Variants in MRGPRE observed in about 807,000 individuals in gnomAD.
MRGPRE encodes mas-related G protein-coupled receptor member E.
For synonymous variants in MRGPRE, 229 were observed against 206.7 expected (o/e 1.11, Z -0.92); for missense variants, 466 against 433.4 (o/e 1.08, Z -0.67).
In MRGPRE at chr11:3,228,101, G is replaced by A. The variant is rs372243981; in HGVS notation, c.699C>T (p.Phe233=). ...GGTTCCGGGACAGCCAGTAGATGCCGAAGGGCAGGCCGCAGAAGAGGAAGA... is the reference window on the plus strand; with the variant it reads ...GGTTCCGGGACAGCCAGTAGATGCCAAAGGGCAGGCCGCAGAAGAGGAAGA... The part of the protein sequence containing the change: ...VLLFLFCGLP[F]GIYWLSRNLL... Residue 233 remains phenylalanine (F), a synonymous_variant, in exon 2 of 2, where the codon TTC becomes TTT. Coordinates refer to ENST00000389832, the MANE Select transcript of MRGPRE (RefSeq NM_001039165.4). 79 of 1,599,888 alleles carry A rather than the reference G, an allele frequency of 4.9e-5. No homozygotes were observed. Among genetic ancestry groups the A allele is most frequent in the South Asian group, 1.2e-4 (11 of 88,622 alleles).
In MRGPRE at chr11:3,228,728, G is replaced by T; in HGVS notation, c.72C>A (p.Asn24Lys). ...CCTCGGTGAGGGACAGGATGATGAG[G>T]TTGAAGGCCACATCCTCCTGGGCGC... ...ANGAQEDVAF[N>K]LIILSLTEGL... Residue 24 changes from asparagine (N) to lysine (K), a missense_variant, in exon 2 of 2, where the codon AAC becomes AAA. Transcript: ENST00000389832. 6.2e-7 allele frequency: 1 copy of T among 1,613,838 alleles called. No homozygotes were observed. The highest frequency in any genetic ancestry group is 1.6e-4 in the Middle Eastern group (1 of 6,062).
Position 3,227,268 on chromosome 11 carries a change from C to T in MRGPRE, c.*593G>A, listed in dbSNP as rs1320104977. ...AGCTCCGAGTGAGGGTTGCATCGTC[C>T]CGGTCTGAGGTGCACGGCCTTGAGC... On this transcript the variant is annotated 3_prime_UTR_variant, in exon 2 of 2. Coordinates refer to ENST00000389832, the MANE Select transcript of MRGPRE (RefSeq NM_001039165.4). Among the ~76,000 whole-genome samples, 1 of 152,138 alleles carries T rather than the reference C, an allele frequency of 6.6e-6. No homozygotes were observed. Among genetic ancestry groups the T allele is most frequent in the Admixed American group, 6.5e-5 (1 of 15,278 alleles).
Position 3,228,574 on chromosome 11 carries a change from G to A in MRGPRE, c.226C>T (p.His76Tyr). Residue 76 changes from histidine (H) to tyrosine (Y), a missense_variant, in exon 2 of 2, where the codon CAC (histidine) becomes TAC (tyrosine). Physicochemically the swap from His to Tyr is moderately conservative, Grantham distance 83. Coordinates refer to ENST00000389832, the MANE Select transcript of MRGPRE (RefSeq NM_001039165.4). ...ACADLIFLGC[H>Y]MVAIVPDLLQ... ...AAGTCGGGGACGATGGCCACCATGTGGCAGCCAAGGAAGATGAGATCCGCG... is the reference window on the plus strand; with the variant it reads ...AAGTCGGGGACGATGGCCACCATGTAGCAGCCAAGGAAGATGAGATCCGCG... The A allele has an allele frequency of 6.2e-7, 1 of 1,613,602 alleles. No homozygotes were observed. Among genetic ancestry groups the A allele is most frequent in the African/African-American group, 1.3e-5 (1 of 75,060 alleles).
rs189701420 is a variant in MRGPRE at position 3,230,556 on chromosome 11, C to T, written c.-62+1585G>A. Among the ~76,000 whole-genome samples the T allele has an allele frequency of 6.6e-6, 1 of 152,088 alleles. No homozygotes were observed. On this transcript the variant is annotated intron_variant, in intron 1 of 1. Transcript: ENST00000389832. The surrounding 1 kb of genome is among the most constrained non-coding windows in gnomAD (Gnocchi z 5.5). Reference sequence around the variant, plus strand: ...GTGAGGTGCTGGTCATCTCCCTCGGCTTACACCCTCAGCTCTGTGGTCTTT... The same window carrying T: ...GTGAGGTGCTGGTCATCTCCCTCGGTTTACACCCTCAGCTCTGTGGTCTTT...
At position 3,225,272 on chromosome 11, in the gene MRGPRE, G is replaced by GGCTCCCTGGAATGTTGGCT. The variant is rs1847746987; in HGVS notation, c.*2570_*2588dup. Among the ~76,000 whole-genome samples the GGCTCCCTGGAATGTTGGCT allele has an allele frequency of 6.6e-6, 1 of 152,260 alleles. No individual in the cohort carries two copies. Among genetic ancestry groups the GGCTCCCTGGAATGTTGGCT allele is most frequent in the Non-Finnish European group, 1.5e-5 (1 of 68,050 alleles). ...CCCTGAGGACGGAGCGGGTTACACA[G>GGCTCCCTGGAATGTTGGCT]GCTCCCTGGAATGTTGGCTGCCCCC... is the stretch of plus-strand genomic sequence containing the variant. On this transcript the variant is annotated 3_prime_UTR_variant, in exon 2 of 2. Transcript: ENST00000389832.
chr11:3,230,253 C>T lies in MRGPRE; in HGVS notation c.-61-1393G>A, dbSNP rs1349156253. Among the ~76,000 whole-genome samples, 5 of 151,970 alleles carry T rather than the reference C, an allele frequency of 3.3e-5. No homozygotes were observed. The East Asian group carries it at 9.8e-4, about 30-fold the overall frequency. ...CCCAGAGACTGGCTGGGGTCAGGGG[C>T]CGACACCAGGTGCCCCTCCCACCTT... On this transcript the variant is annotated intron_variant, in intron 1 of 1. Coordinates refer to ENST00000389832, the MANE Select transcript of MRGPRE (RefSeq NM_001039165.4). The surrounding 1 kb of genome is among the most constrained non-coding windows in gnomAD (Gnocchi z 5.5).
Position 3,229,833 on chromosome 11 carries a change from C to T in MRGPRE, c.-61-973G>A, listed in dbSNP as rs1353470838. 1.3e-5 allele frequency among the ~76,000 whole-genome samples: 2 copies of T among 152,210 alleles called. No homozygotes were observed. The highest frequency in any genetic ancestry group is 2.4e-5 in the African/African-American group (1 of 41,456). ...GGAGGCTGCATCCTGCTCAACGTTGCCCGCCCTTTCCCCATGGGGAGAAGA... is the reference window on the plus strand; with the variant it reads ...GGAGGCTGCATCCTGCTCAACGTTGTCCGCCCTTTCCCCATGGGGAGAAGA... On this transcript the variant is annotated intron_variant, in intron 1 of 1. Coordinates refer to ENST00000389832, the MANE Select transcript of MRGPRE (RefSeq NM_001039165.4). This position sits in a 1 kb window ranked among gnomAD's most constrained non-coding sequence, Gnocchi z 4.4.
In MRGPRE at chr11:3,230,130, C is replaced by A. The variant is rs762207801; in HGVS notation, c.-61-1270G>T. Among the ~76,000 whole-genome samples, 2 of 152,296 alleles carry A rather than the reference C, an allele frequency of 1.3e-5. No homozygotes were observed. Among genetic ancestry groups the A allele is most frequent in the South Asian group, 4.1e-4 (2 of 4,822 alleles). On this transcript the variant is annotated intron_variant, in intron 1 of 1. Coordinates refer to ENST00000389832, the MANE Select transcript of MRGPRE (RefSeq NM_001039165.4). The surrounding 1 kb of genome is among the most constrained non-coding windows in gnomAD (Gnocchi z 5.5). ...CCTGCAGATACCCGGCCCCATGCTG[C>A]CCCTGTGGTTACCTGGCCCGTCATG...
rs1395031967 is a variant in MRGPRE at position 3,229,261 on chromosome 11, G to T, written c.-61-401C>A. Reference sequence around the variant, plus strand: ...TTTTTTGGAGATGGAGTCTGGCTCTGTTGCCCCAGGCTAGAGTGCAATGGC... The same window carrying T: ...TTTTTTGGAGATGGAGTCTGGCTCTTTTGCCCCAGGCTAGAGTGCAATGGC... On this transcript the variant is annotated intron_variant, in intron 1 of 1. Transcript: ENST00000389832. This position sits in a 1 kb window ranked among gnomAD's most constrained non-coding sequence, Gnocchi z 4.4. Among the ~76,000 whole-genome samples, 1 of 135,068 alleles carries T rather than the reference G, an allele frequency of 7.4e-6. No homozygotes were observed. The highest frequency in any genetic ancestry group is 1.5e-5 in the Non-Finnish European group (1 of 65,818). The allele number at this position is 135,068 out of a possible 152,430, so 88.6% of individuals were successfully genotyped here. A position where few individuals can be genotyped will look rare whatever the true frequency, so the allele number is the denominator to read the frequency against.
chr11:3,227,818 C>T lies in MRGPRE; in HGVS notation c.*43G>A. ...CCCACCACCTTCCCCAAGTCACCCT[C>T]TTGCCTCACGGGGGCTGCAGCTGGG... is the stretch of plus-strand genomic sequence containing the variant. On this transcript the variant is annotated 3_prime_UTR_variant, in exon 2 of 2. Coordinates refer to ENST00000389832, the MANE Select transcript of MRGPRE (RefSeq NM_001039165.4). 1 of 1,411,336 alleles carries T rather than the reference C, an allele frequency of 7.1e-7. No homozygotes were observed. Among genetic ancestry groups the T allele is most frequent in the Non-Finnish European group, 9.3e-7 (1 of 1,077,820 alleles). 87.4% of individuals were successfully genotyped at this position (1,411,336 alleles called of 1,614,324 possible).
At chr11:3,232,077 A>C (rs1257270605) in intron 1 of MRGPRE, 64 bp downstream of exon 1, 1 of 152,824 alleles carries the variant, frequency 6.5e-6, no homozygotes, top group Admixed American at 6.5e-5. Context: ...AAGAGCCCAG[A>C]AAATGCCGAG....
In MRGPRE at chr11:3,226,756, G is replaced by A. The variant is rs1287617796; in HGVS notation, c.*1105C>T. ...ACTTGGATGTGTGGCGTTGGTGGCA[G>A]TAGAATCGACAGACATTTCTCTTGG... On this transcript the variant is annotated 3_prime_UTR_variant, in exon 2 of 2. Coordinates refer to ENST00000389832, the MANE Select transcript of MRGPRE (RefSeq NM_001039165.4). Among the ~76,000 whole-genome samples the A allele has an allele frequency of 6.6e-6, 1 of 152,272 alleles. No homozygotes were observed. Among genetic ancestry groups the A allele is most frequent in the Non-Finnish European group, 1.5e-5 (1 of 68,048 alleles).
At position 3,228,203 on chromosome 11, in the gene MRGPRE, C is replaced by A. The variant is rs529703230; in HGVS notation, c.597G>T (p.Leu199=). 10 of 1,558,536 alleles carry A rather than the reference C, an allele frequency of 6.4e-6. No homozygotes were observed. The South Asian group carries it at 8.2e-5, about 13-fold the overall frequency. ...CCTMCGASLM[L]LLRVERGPQR... Reference sequence around the variant, plus strand: ...GGGGGCCTCGCTCCACCCGCAGCAGCAGCATAAGGCTGGCCCCACACATGG... The same window carrying A: ...GGGGGCCTCGCTCCACCCGCAGCAGAAGCATAAGGCTGGCCCCACACATGG... Residue 199 remains leucine (L), a synonymous_variant, in exon 2 of 2, where the codon CTG becomes CTT. Coordinates refer to ENST00000389832, the MANE Select transcript of MRGPRE (RefSeq NM_001039165.4).
chr11:3,229,789 C>G lies in MRGPRE; in HGVS notation c.-61-929G>C, dbSNP rs1419544363. On this transcript the variant is annotated intron_variant, in intron 1 of 1. Coordinates refer to ENST00000389832, the MANE Select transcript of MRGPRE (RefSeq NM_001039165.4). The surrounding 1 kb of genome is among the most constrained non-coding windows in gnomAD (Gnocchi z 4.4). ...CCTACAGCAGGACTCCAGCCCTCTG[C>G]AGGGTAGGGGGCACATGAGGAGGCT... 6.6e-6 allele frequency among the ~76,000 whole-genome samples: 1 copy of G among 152,218 alleles called. No homozygotes were observed. Among genetic ancestry groups the G allele is most frequent in the Non-Finnish European group, 1.5e-5 (1 of 68,034 alleles).
Position 3,227,959 on chromosome 11 carries a change from G to A in MRGPRE, c.841C>T (p.Pro281Ser), listed in dbSNP as rs571300808. The A allele has an allele frequency of 3.2e-6, 5 of 1,569,278 alleles. No individual in the cohort carries two copies. The highest frequency in any genetic ancestry group is 4.6e-5 in the East Asian group (2 of 43,238). ...GCTCGCTGGAGGACCAGCCGGAGGG[G>A]CAGCCTGCGGCCCTGGGCACTGCCC... Reference protein sequence around the residue: ...CLGSAQGRRLPLRLVLQRALG... With the variant: ...CLGSAQGRRLSLRLVLQRALG... The change falls in exon 2 of 2, where the codon CCC becomes TCC. Residue 281 changes from proline to serine, a missense_variant. By Grantham distance (74) the Pro-to-Ser change is moderately conservative (BLOSUM62 -1). Coordinates refer to ENST00000389832, the MANE Select transcript of MRGPRE (RefSeq NM_001039165.4).
rs1230457734 is a variant in MRGPRE at position 3,230,733 on chromosome 11, G to A, written c.-62+1408C>T. 6.6e-6 allele frequency among the ~76,000 whole-genome samples: 1 copy of A among 152,148 alleles called. No homozygotes were observed. Among genetic ancestry groups the A allele is most frequent in the Non-Finnish European group, 1.5e-5 (1 of 68,028 alleles). On this transcript the variant is annotated intron_variant, in intron 1 of 1. Coordinates refer to ENST00000389832, the MANE Select transcript of MRGPRE (RefSeq NM_001039165.4). This position sits in a 1 kb window ranked among gnomAD's most constrained non-coding sequence, Gnocchi z 5.5. ...CCAGTCTGAATCTCCTGCGGGTGGA[G>A]TCAAGCCTGGTTGGAGATATAGGGC... is the stretch of plus-strand genomic sequence containing the variant.
chr11:3,230,764 C>T lies in MRGPRE; in HGVS notation c.-62+1377G>A, dbSNP rs1375073958. ...CCTGGTTGGAGATATAGGGCTCTTCCTCCTGTCCCTGTGCTCCATCCTAGC... is the reference window on the plus strand; with the variant it reads ...CCTGGTTGGAGATATAGGGCTCTTCTTCCTGTCCCTGTGCTCCATCCTAGC... On this transcript the variant is annotated intron_variant, in intron 1 of 1. Transcript: ENST00000389832. The surrounding 1 kb of genome is among the most constrained non-coding windows in gnomAD (Gnocchi z 5.5). Among the ~76,000 whole-genome samples, 2 of 152,158 alleles carry T rather than the reference C, an allele frequency of 1.3e-5. No individual in the cohort carries two copies. The highest frequency in any genetic ancestry group is 1.9e-4 in the East Asian group (1 of 5,174).
Position 3,231,275 on chromosome 11 carries a change from G to C in MRGPRE, c.-62+866C>G. On this transcript the variant is annotated intron_variant, in intron 1 of 1. Transcript: ENST00000389832. The surrounding 1 kb of genome is among the most constrained non-coding windows in gnomAD (Gnocchi z 4.7). The stretch of plus-strand genomic sequence containing the variant: ...GATGGACATAGAGGGAGAGGGGAGA[G>C]TGCAGGAAGGGGAGAGGCATGAAGA... 6.6e-6 allele frequency among the ~76,000 whole-genome samples: 1 copy of C among 152,034 alleles called. No homozygotes were observed. The highest frequency in any genetic ancestry group is 1.5e-5 in the Non-Finnish European group (1 of 68,002).
chr11:3,231,717 T>C lies in MRGPRE; in HGVS notation c.-62+424A>G, dbSNP rs1018756258. The stretch of plus-strand genomic sequence containing the variant: ...CCTGGGTGGTCCAGGAGTGGCTCTG[T>C]GTCCCGCCCAGACAGCCAATACTGA... On this transcript the variant is annotated intron_variant, in intron 1 of 1. Transcript: ENST00000389832. The surrounding 1 kb of genome is among the most constrained non-coding windows in gnomAD (Gnocchi z 4.7). Among the ~76,000 whole-genome samples, 2 of 151,866 alleles carry C rather than the reference T, an allele frequency of 1.3e-5. No individual in the cohort carries two copies. Among genetic ancestry groups the C allele is most frequent in the Non-Finnish European group, 2.9e-5 (2 of 67,918 alleles).
Sources: gnomAD v4.1 joint callset for allele counts (sites outside exome capture counted in the v4.1 genomes callset) on GRCh38, gnomAD v4.1.1 for gene constraint, Gnocchi (gnomAD v3.1) non-coding constraint, MANE v1.5 for transcripts, NCBI Gene and HGNC (gene_info 2026-07-23, HGNC 2026-07-21) for gene names.